GATAD1: variants seen among roughly 807,000 people sequenced by gnomAD.
GATAD1 encodes GATA zinc finger domain-containing protein 1.
A neutral mutation model predicts 26.5 loss-of-function variants in GATAD1; 12 were observed. That is an observed-to-expected ratio of 0.45 (90% CI 0.29 to 0.73). The LOEUF is 0.73. Ranked by LOEUF, GATAD1 falls within the 30% of genes least tolerant of loss-of-function variation. The pLI, the probability that GATAD1 is intolerant of heterozygous loss-of-function variation, is 0.10. For missense variants in GATAD1, 266 were observed against 342.1 expected (o/e 0.78, Z 1.75); for synonymous variants, 129 against 133.1 (o/e 0.97, Z 0.21).
the GATAD1 span, among the ~76,000 whole-genome samples, chr7:92,483,736 T>C: frequency 6.6e-6 from 1 of 152,262 alleles, no homozygotes; most frequent in East Asian, 1.9e-4. Flanking sequence ...AGGAAATTGT[T>C]GGGCAGATGG....
the GATAD1 span, among the ~76,000 whole-genome samples, chr7:92,492,511 T>C: frequency 2.0e-5 from 3 of 152,112 alleles, no homozygotes; most frequent in African/African-American, 7.2e-5. Context: ...GATTCAAGAA[T>C]GATGAGGACA....
At chr7:92,489,598 T>G in the GATAD1 span, 1 of 1,050,822 alleles carries the variant, frequency 9.5e-7, no homozygotes. Flanking sequence ...AGTTAATGTG[T>G]TCTGGTCCCT....
chr7:92,454,411 C>T, intron 3 of GATAD1, 91 bp from the exon 4 acceptor site: 2 of 946,338 alleles, frequency 2.1e-6, no homozygotes, highest in Non-Finnish European at 1.7e-6. Flanking sequence ...TTACTGACCA[C>T]TTTGAAAACT....
chr7:92,493,151 T>C, the GATAD1 span: 3 of 1,381,876 alleles, frequency 2.2e-6, no homozygotes, highest in South Asian at 2.6e-5. Flanking sequence ...AAAATTTATT[T>C]AACAAATAAA....
chr7:92,475,971 A>G, the GATAD1 span, among the ~76,000 whole-genome samples: 1 of 152,076 alleles, frequency 6.6e-6, no homozygotes, highest in Non-Finnish European at 1.5e-5. Flanking sequence ...TTATTAGGCA[A>G]TTTTTCTAAC....
chr7:92,447,601 G>T lies in GATAD1; in HGVS notation c.-129G>T. 8.1e-7 allele frequency: 1 copy of T among 1,235,170 alleles called. No homozygotes were observed. The allele number at this position is 1,235,170 out of a possible 1,614,324, so 76.5% of individuals were successfully genotyped here. ...CGCCAGCGGCCTGGTCCTTTCACCG[G>T]CAGCTCCGTGCCGACGCTCTCACCG... is the stretch of plus-strand genomic sequence containing the variant. On this transcript the variant is annotated 5_prime_UTR_variant, in exon 1 of 5. Coordinates refer to ENST00000287957, the MANE Select transcript of GATAD1 (RefSeq NM_021167.5).
At chr7:92,489,641 G>T in the GATAD1 span, 2 of 1,376,340 alleles carry the variant, frequency 1.5e-6, no homozygotes, top group South Asian at 1.2e-5. Context: ...ATAAGTCAAA[G>T]AAATATATAT....
At chr7:92,494,627 G>A in the GATAD1 span, 2 of 1,613,762 alleles carry the variant, frequency 1.2e-6, no homozygotes, top group Non-Finnish European at 1.7e-6. Context: ...TGCAGCCTGT[G>A]CTCTGGGAAA....
the GATAD1 span, among the ~76,000 whole-genome samples, chr7:92,485,054 G>A: frequency 6.6e-6 from 1 of 152,034 alleles, no homozygotes; most frequent in African/African-American, 2.4e-5. Flanking sequence ...GTCACAAGGT[G>A]CTCAGTGGGG....
At chr7:92,448,018 A>G (rs1248300034) in intron 1 of GATAD1, 40 bp downstream of exon 1, 6 of 1,199,684 alleles carry the variant, frequency 5.0e-6, no homozygotes, top group Admixed American at 4.4e-5. Context: ...GAGGCCGACC[A>G]GGTGCTAGGC....
the GATAD1 span, chr7:92,469,689 A>G: frequency 6.5e-6 from 5 of 764,344 alleles, no homozygotes; most frequent in Non-Finnish European, 7.2e-6. Flanking sequence ...GGTTTGAGGT[A>G]TGGGTTATTT....
chr7:92,490,054 G>A, the GATAD1 span: 1 of 720,188 alleles, frequency 1.4e-6, no homozygotes, highest in Non-Finnish European at 2.4e-6. Flanking sequence ...CTGAAATTAA[G>A]CAAGCTGAAA....
At chr7:92,448,558 C>G (rs1351380969) in intron 1 of GATAD1, among the ~76,000 whole-genome samples, 194 bp from the exon 2 acceptor site, 1 of 152,208 alleles carries the variant, frequency 6.6e-6, no homozygotes. Flanking sequence ...CTCCGAGATT[C>G]CGGGTGCTGA....
chr7:92,469,099 C>G, the GATAD1 span: 1 of 702,466 alleles, frequency 1.4e-6, no homozygotes, highest in Non-Finnish European at 2.6e-6. Flanking sequence ...CTCCTCTGCT[C>G]TACGTTGTAT....
chr7:92,484,959 TA>T, the GATAD1 span, among the ~76,000 whole-genome samples: 62 of 149,540 alleles, frequency 4.1e-4, no homozygotes, highest in Non-Finnish European at 6.8e-4. Flanking sequence ...CGAAGGGAGA[TA>T]GGGGTGGGGC....
the GATAD1 span, among the ~76,000 whole-genome samples, chr7:92,476,645 G>A: frequency 2.0e-5 from 3 of 150,470 alleles, no homozygotes; most frequent in Middle Eastern, 3.4e-3. Flanking sequence ...CTCTCTCACT[G>A]TCTCTCTCTC....
intron 3 of GATAD1, among the ~76,000 whole-genome samples, chr7:92,451,935 G>A (rs1229567292): frequency 6.6e-6 from 1 of 152,220 alleles, no homozygotes; most frequent in Non-Finnish European, 1.5e-5. Context: ...CTAGAGCATA[G>A]TTCCTGGCTC....
chr7:92,491,120 A>C, the GATAD1 span: 1 of 621,712 alleles, frequency 1.6e-6, no homozygotes, highest in Non-Finnish European at 2.9e-6. Flanking sequence ...GCAAATTACC[A>C]ATTAGTGTAA....
the GATAD1 span, among the ~76,000 whole-genome samples, chr7:92,480,495 G>A: frequency 7.9e-5 from 12 of 152,192 alleles, no homozygotes; most frequent in African/African-American, 1.2e-4. Flanking sequence ...ATGTTTCCAC[G>A]ATGGAAGGAA....
Sources: allele counts gnomAD v4.1 joint callset (sites outside exome capture counted in the v4.1 genomes callset), GRCh38; gene constraint gnomAD v4.1.1; transcripts MANE v1.5; gene names NCBI Gene and HGNC (gene_info 2026-07-23, HGNC 2026-07-21).